The following CADPS variants were observed in gnomAD, a reference collection of about 807,000 sequenced individuals.
CADPS encodes the protein calcium-dependent secretion activator 1.
In CADPS, 57 loss-of-function variants were observed where a neutral mutation model predicts 167.3. The ratio of observed to expected loss-of-function variants is 0.34; its 90% CI spans 0.28 to 0.42. The LOEUF (loss-of-function observed/expected upper bound fraction) is 0.42. Among genes scored for constraint, CADPS ranks in the 20% least tolerant of loss-of-function variants. The pLI, the probability that CADPS is intolerant of heterozygous loss-of-function variation, is 1.00. For synonymous variants in CADPS, 676 were observed against 635.3 expected (o/e 1.06, Z -0.96); for missense variants, 1,414 against 1,738.1 (o/e 0.81, Z 3.32).
intron 1 of CADPS, among the ~76,000 whole-genome samples, chr3:62,836,405 T>C (rs1048578721): frequency 2.0e-5 from 3 of 151,836 alleles, no homozygotes; most frequent in Admixed American, 2.0e-4. Context: ...GACCAGGCAA[T>C]AAAAATAAGA....
At chr3:62,851,564 G>A (rs1352307567) in intron 1 of CADPS, among the ~76,000 whole-genome samples, 8 of 144,324 alleles carry the variant, frequency 5.5e-5, no homozygotes, top group Non-Finnish European at 1.2e-4. Context: ...GAAATTCTGG[G>A]TTGAAAATTC....
chr3:62,702,750 A>G (rs2081622127), intron 3 of CADPS, among the ~76,000 whole-genome samples: 1 of 152,164 alleles, frequency 6.6e-6, no homozygotes, highest in Non-Finnish European at 1.5e-5. Context: ...AAATGTGGCT[A>G]GTGCAACTGA....
At chr3:62,702,950 G>T (rs1283238449) in intron 3 of CADPS, among the ~76,000 whole-genome samples, 1 of 152,062 alleles carries the variant, frequency 6.6e-6, no homozygotes, top group African/African-American at 2.4e-5. Context: ...GGAAGCTGAG[G>T]CACAGAGAGG....
Position 62,875,212 on chromosome 3 carries a change from G to T in CADPS, c.-183C>A. On this transcript the variant is annotated 5_prime_UTR_variant, in exon 1 of 30. Transcript: ENST00000383710. ...TCCTCTGCCCGGCGGTCGCGAGCTG[G>T]GCTCAGACCCAGAAGCGCGAAGGGA... The T allele has an allele frequency of 1.3e-6, 1 of 746,202 alleles. No homozygotes were observed. Among genetic ancestry groups the T allele is most frequent in the Non-Finnish European group, 1.8e-6 (1 of 544,344 alleles). The allele number at this position is 746,202 out of a possible 1,614,324, so 46.2% of individuals were successfully genotyped here.
intron 7 of CADPS, among the ~76,000 whole-genome samples, chr3:62,587,731 G>A (rs942927407): frequency 3.3e-5 from 5 of 152,228 alleles, no homozygotes; most frequent in South Asian, 2.1e-4. Flanking sequence ...CGCAATAGCC[G>A]CAGCTCATTA....
chr3:62,615,765 G>A (rs1374856497), intron 6 of CADPS, among the ~76,000 whole-genome samples: 1 of 152,082 alleles, frequency 6.6e-6, no homozygotes, highest in African/African-American at 2.4e-5. Flanking sequence ...TGAGAAAGTG[G>A]AAGAAAAATG....
At chr3:62,855,683 A>G (rs1178222501) in intron 1 of CADPS, among the ~76,000 whole-genome samples, 2 of 152,278 alleles carry the variant, frequency 1.3e-5, no homozygotes, top group Non-Finnish European at 2.9e-5. Flanking sequence ...AGTTTTGCTT[A>G]TAATTTATAA....
At chr3:62,793,662 T>C (rs897604157) in intron 1 of CADPS, among the ~76,000 whole-genome samples, 1 of 152,200 alleles carries the variant, frequency 6.6e-6, no homozygotes, top group African/African-American at 2.4e-5. Flanking sequence ...ATTAATCTGT[T>C]TTTTAAGAGA....
intron 3 of CADPS, among the ~76,000 whole-genome samples, chr3:62,673,958 A>G (rs535140288): frequency 6.6e-6 from 1 of 152,342 alleles, no homozygotes; most frequent in South Asian, 2.1e-4. Context: ...GATGTTTAAA[A>G]TACCTCTAAT....
Position 62,421,764 on chromosome 3 carries a change from G to A in CADPS, c.3777+16340C>T, listed in dbSNP as rs981556213. Reference sequence around the variant, plus strand: ...GTGTGAGGCTGGAGACGCATTTGGAGTTCTTTCCTAGGGATGGAGGGATGC... The same window carrying A: ...GTGTGAGGCTGGAGACGCATTTGGAATTCTTTCCTAGGGATGGAGGGATGC... On this transcript the variant is annotated intron_variant, in intron 28 of 29. Coordinates refer to ENST00000383710, the MANE Select transcript of CADPS (RefSeq NM_003716.4). The surrounding 1 kb of genome is among the most constrained non-coding windows in gnomAD (Gnocchi z 4.7). Among the ~76,000 whole-genome samples the A allele has an allele frequency of 1.3e-5, 2 of 152,160 alleles. No homozygotes were observed.
At chr3:62,810,134 G>T (rs2094324862) in intron 1 of CADPS, among the ~76,000 whole-genome samples, 1 of 152,128 alleles carries the variant, frequency 6.6e-6, no homozygotes, top group Non-Finnish European at 1.5e-5. Context: ...TCTGGGAAAT[G>T]ACCTTCCCTA....
At chr3:62,712,515 T>C (rs1209915291) in intron 3 of CADPS, among the ~76,000 whole-genome samples, 1 of 152,242 alleles carries the variant, frequency 6.6e-6, no homozygotes, top group Non-Finnish European at 1.5e-5. Flanking sequence ...CTTTGCTCAT[T>C]TTCTATTTAG....
intron 6 of CADPS, among the ~76,000 whole-genome samples, chr3:62,623,152 C>G (rs1002777944): frequency 8.5e-5 from 13 of 152,122 alleles, no homozygotes; most frequent in South Asian, 6.2e-4. Context: ...ATTCCATTTT[C>G]TTTCTCTGGG....
intron 3 of CADPS, among the ~76,000 whole-genome samples, chr3:62,701,692 C>T (rs2081426383): frequency 6.6e-6 from 1 of 151,718 alleles, no homozygotes; most frequent in African/African-American, 2.4e-5. Context: ...CCTGCAGGCT[C>T]ACACCTGTAG....
At chr3:62,752,548 T>G (rs541598301) in intron 3 of CADPS, among the ~76,000 whole-genome samples, 1 of 152,332 alleles carries the variant, frequency 6.6e-6, no homozygotes, top group East Asian at 1.9e-4. Flanking sequence ...TACTGAGCAT[T>G]CACTCTGTGC....
intron 1 of CADPS, among the ~76,000 whole-genome samples, chr3:62,774,611 T>C (rs2089805845): frequency 6.6e-6 from 1 of 152,216 alleles, no homozygotes; most frequent in Non-Finnish European, 1.5e-5. Flanking sequence ...TCATTAAAAA[T>C]AACAAACCCA....
chr3:62,409,244 G>A (rs62243935), intron 28 of CADPS, among the ~76,000 whole-genome samples: 9,236 of 152,304 alleles, frequency 0.061, 347 homozygotes, highest in South Asian at 0.081. Context: ...AAAGTTGTTT[G>A]CATTCAACTT....
chr3:62,451,145 T>C (rs1376588485), intron 26 of CADPS, among the ~76,000 whole-genome samples: 2 of 152,168 alleles, frequency 1.3e-5, no homozygotes, highest in African/African-American at 2.4e-5. Context: ...CTGGCTTGAA[T>C]GTCCCAGCTA....
chr3:62,571,834 G>A (rs1054163529), intron 8 of CADPS, among the ~76,000 whole-genome samples: 4 of 152,150 alleles, frequency 2.6e-5, no homozygotes, highest in Admixed American at 1.3e-4. Flanking sequence ...AAAGTGCTGG[G>A]ATTACAGGCG....
Sources: allele counts gnomAD v4.1 joint callset (sites outside exome capture counted in the v4.1 genomes callset), GRCh38; gene constraint gnomAD v4.1.1; non-coding constraint Gnocchi (gnomAD v3.1); transcripts MANE v1.5; gene names NCBI Gene and HGNC (gene_info 2026-07-23, HGNC 2026-07-21).